Variants in LMO7 observed in about 807,000 individuals in gnomAD.
The protein encoded by LMO7 is LIM domain only protein 7.
In LMO7, 120 loss-of-function variants were observed where a neutral mutation model predicts 206.5. The ratio of observed to expected loss-of-function variants is 0.58; its 90% CI spans 0.50 to 0.68. The LOEUF (loss-of-function observed/expected upper bound fraction) is 0.68, where lower values mean the gene tolerates loss of function less well. LMO7 is among the 30% of genes least tolerant of loss of function. The pLI, the probability that LMO7 is intolerant of heterozygous loss-of-function variation, is 0.00. For synonymous variants in LMO7, 706 were observed against 681.5 expected (o/e 1.04, Z -0.56); for missense variants, 1,959 against 1,957.9 (o/e 1.00, Z -0.01).
intron 2 of LMO7, among the ~76,000 whole-genome samples, chr13:75,719,406 A>G (rs1481885007): frequency 3.3e-5 from 5 of 152,202 alleles, no homozygotes; most frequent in Admixed American, 1.3e-4. Flanking sequence ...TAAAACTGCT[A>G]TGAACATCCA....
intron 1 of LMO7, among the ~76,000 whole-genome samples, chr13:75,656,340 A>G (rs890533302): frequency 1.1e-4 from 16 of 152,172 alleles, no homozygotes; most frequent in Non-Finnish European, 2.2e-4. Context: ...ATATGCTACC[A>G]CTTATTATTA....
At chr13:75,710,177 T>C (rs1274039133) in intron 1 of LMO7, among the ~76,000 whole-genome samples, 1 of 151,556 alleles carries the variant, frequency 6.6e-6, no homozygotes, top group African/African-American at 2.4e-5. Flanking sequence ...TTGGTAGCAG[T>C]ACCATGCTGT....
chr13:75,636,832 C>A, intron 1 of LMO7, 106 bp downstream of exon 1: 2 of 1,096,746 alleles, frequency 1.8e-6, no homozygotes, highest in Non-Finnish European at 2.7e-6. Flanking sequence ...CCTCCTTCGG[C>A]GACCCAGCCG....
intron 13 of LMO7, among the ~76,000 whole-genome samples, chr13:75,820,444 A>G (rs2057460779): frequency 6.6e-6 from 1 of 152,232 alleles, no homozygotes; most frequent in Non-Finnish European, 1.5e-5. Flanking sequence ...TTTTGCAGGA[A>G]GAAAATCCTC....
intron 1 of LMO7, among the ~76,000 whole-genome samples, chr13:75,666,670 C>A (rs1288064627): frequency 6.6e-6 from 1 of 152,110 alleles, no homozygotes; most frequent in East Asian, 1.9e-4. Context: ...TCTTGGGGGC[C>A]TTCAACATTT....
At chr13:75,715,473 G>A (rs1186935260) in intron 2 of LMO7, among the ~76,000 whole-genome samples, 1 of 152,096 alleles carries the variant, frequency 6.6e-6, no homozygotes, top group African/African-American at 2.4e-5. Context: ...TTTGGATTTT[G>A]TGCATTGCCA....
At chr13:75,691,676 C>T (rs1194229404) in intron 1 of LMO7, among the ~76,000 whole-genome samples, 2 of 152,226 alleles carry the variant, frequency 1.3e-5, no homozygotes, top group Non-Finnish European at 2.9e-5. Context: ...CTGTACCCTA[C>T]ATACTACAGG....
At chr13:75,805,963 C>T in intron 9 of LMO7, 1 of 1,122,426 alleles carries the variant, frequency 8.9e-7, no homozygotes, top group Non-Finnish European at 1.2e-6. Flanking sequence ...CTGTTCTATA[C>T]ATAGTCATAG....
chr13:75,849,436 C>T lies in LMO7; in HGVS notation c.4364+144C>T, dbSNP rs1396220226. The T allele has an allele frequency of 8.0e-6, 5 of 622,932 alleles. No individual in the cohort carries two copies. The East Asian group carries it at 1.4e-4, about 17-fold the overall frequency. 38.6% of individuals were successfully genotyped at this position (622,932 alleles called of 1,614,324 possible). The stretch of plus-strand genomic sequence containing the variant: ...CACTATTATGTGTCAGTTTACATGA[C>T]CACATCTAATCTGAGGAAAACATAT... On this transcript the variant is annotated intron_variant, in intron 27 of 30. Transcript: ENST00000377534.
At chr13:75,695,414 T>G (rs1416441268) in intron 1 of LMO7, among the ~76,000 whole-genome samples, 1 of 152,170 alleles carries the variant, frequency 6.6e-6, no homozygotes, top group Non-Finnish European at 1.5e-5. Flanking sequence ...CAGGCTGGAG[T>G]GCACTCACTG....
At chr13:75,629,420 A>G (rs1408013149) in intron 2 of LMO7, among the ~76,000 whole-genome samples, 12 of 152,176 alleles carry the variant, frequency 7.9e-5, no homozygotes, top group African/African-American at 2.7e-4. Flanking sequence ...ATGATTGCAT[A>G]AAGAAGATAT....
intron 4 of LMO7, among the ~76,000 whole-genome samples, chr13:75,763,184 C>T (rs2048411836): frequency 1.3e-5 from 2 of 152,132 alleles, no homozygotes; most frequent in African/African-American, 2.4e-5. Flanking sequence ...TCCGGAGATA[C>T]TTCCAGTTGT....
At chr13:75,683,079 G>C (rs201838636) in intron 1 of LMO7, among the ~76,000 whole-genome samples, 4 of 83,398 alleles carry the variant, frequency 4.8e-5, no homozygotes, top group South Asian at 7.4e-4. Flanking sequence ...TTTTTTTTTT[G>C]AGATGGAGTT....
chr13:75,658,989 C>A (rs1407904275), intron 1 of LMO7, among the ~76,000 whole-genome samples: 1 of 152,090 alleles, frequency 6.6e-6, no homozygotes, highest in Non-Finnish European at 1.5e-5. Context: ...GTTGATTTTT[C>A]TTCTCTCTAG....
chr13:75,807,963 A>G lies in LMO7; in HGVS notation c.1680A>G (p.Val560=), dbSNP rs564100438. ...PPEIQAKFLC[V]LERTCPSKEK... ...AAATTCAAGCAAAATTTCTCTGTGT[A>G]CTTGAAAGGACATGCCCATCCAAAG... The change falls in exon 10 of 31, where the codon GTA becomes GTG. Residue 560 remains valine (V), a synonymous_variant. Coordinates refer to ENST00000377534, the MANE Select transcript of LMO7 (RefSeq NM_001306080.2). The G allele has an allele frequency of 2.5e-5, 41 of 1,613,944 alleles. No homozygotes were observed. The Admixed American group carries it at 4.0e-4, about 16-fold the overall frequency.
At chr13:75,673,640 A>G (rs1382509470) in intron 1 of LMO7, among the ~76,000 whole-genome samples, 5 of 152,186 alleles carry the variant, frequency 3.3e-5, no homozygotes, top group Non-Finnish European at 7.3e-5. Flanking sequence ...GAACAAAATC[A>G]TCTTCAAGCC....
intron 6 of LMO7, among the ~76,000 whole-genome samples, chr13:75,796,974 A>T (rs527861342): frequency 6.6e-6 from 1 of 152,306 alleles, no homozygotes; most frequent in South Asian, 2.1e-4. Flanking sequence ...AGCAATTTCC[A>T]AGGTAGAGAA....
chr13:75,783,395 T>G (rs1474235038), intron 4 of LMO7, among the ~76,000 whole-genome samples: 1 of 152,166 alleles, frequency 6.6e-6, no homozygotes, highest in Non-Finnish European at 1.5e-5. Flanking sequence ...CGATTTTGGC[T>G]CACTGCAAAC....
At chr13:75,840,178 A>T in intron 21 of LMO7, 68 bp downstream of exon 21, 1 of 1,464,912 alleles carries the variant, frequency 6.8e-7, no homozygotes, top group Non-Finnish European at 9.5e-7. Flanking sequence ...ACACCGTAGC[A>T]TGCTTACCAT....
Sources: gnomAD v4.1 joint callset for allele counts (sites outside exome capture counted in the v4.1 genomes callset) on GRCh38, gnomAD v4.1.1 for gene constraint, MANE v1.5 for transcripts, NCBI Gene and HGNC (gene_info 2026-07-23, HGNC 2026-07-21) for gene names.